Variants in PLA2G4E observed in about 807,000 individuals in gnomAD.
The protein encoded by PLA2G4E is phospholipase A2 group IVE.
A neutral mutation model predicts 109.1 loss-of-function variants in PLA2G4E; 84 were observed. The ratio of observed to expected loss-of-function variants is 0.77; its 90% CI spans 0.65 to 0.92. The LOEUF is 0.92. PLA2G4E is among the 40% of genes least tolerant of loss of function. The pLI, the probability that PLA2G4E is intolerant of heterozygous loss-of-function variation, is 0.00. For missense variants in PLA2G4E, 1,057 were observed against 1,076.6 expected (o/e 0.98, Z 0.25); for synonymous variants, 469 against 436.1 (o/e 1.08, Z -0.94).
At chr15:42,017,546 T>C (rs8042526) in intron 1 of PLA2G4E, among the ~76,000 whole-genome samples, 25,652 of 152,182 alleles carry the variant, frequency 0.17, 2,385 homozygotes, top group Middle Eastern at 0.22. Flanking sequence ...GCTAAGTCCT[T>C]TGACACAGGG....
intron 15 of PLA2G4E, 93 bp downstream of exon 15, chr15:41,989,322 G>A (rs181599566): frequency 2.6e-6 from 4 of 1,522,026 alleles, no homozygotes; most frequent in Non-Finnish European, 2.7e-6. Flanking sequence ...ATGCTGGCAA[G>A]TGCCCCGAGT....
chr15:42,042,209 G>C (rs576929722), intron 1 of PLA2G4E, among the ~76,000 whole-genome samples: 2 of 152,172 alleles, frequency 1.3e-5, no homozygotes, highest in African/African-American at 4.8e-5. Flanking sequence ...ACTATTCACT[G>C]ATATGTAGAA....
intron 4 of PLA2G4E, 101 bp downstream of exon 4, chr15:42,005,889 G>A: frequency 2.1e-6 from 3 of 1,396,444 alleles, no homozygotes; most frequent in Non-Finnish European, 3.0e-6. Context: ...CAACTTGACT[G>A]TGTACACAGA....
chr15:41,988,095 C>G (rs563093387), exon 16 of PLA2G4E: 3 of 1,608,160 alleles, frequency 1.9e-6, no homozygotes, highest in Non-Finnish European at 2.5e-6. Flanking sequence ...AAAACTCCTC[C>G]GAGGTGTGTG....
chr15:41,987,139 G>A (rs1397721740), intron 17 of PLA2G4E, 33 bp downstream of exon 17: 1 of 1,577,684 alleles, frequency 6.3e-7, no homozygotes, highest in Non-Finnish European at 8.7e-7. Context: ...TCCATATGGA[G>A]GCAGGCCTCA....
exon 1 of PLA2G4E, chr15:42,050,691 C>T (rs1339555958): frequency 6.5e-6 from 10 of 1,550,128 alleles, no homozygotes; most frequent in Admixed American, 3.9e-5. Flanking sequence ...CCTTCCGAGG[C>T]CTGGAGACTC....
At chr15:42,001,594 C>G (rs1040599272) in intron 6 of PLA2G4E, among the ~76,000 whole-genome samples, 2 of 152,204 alleles carry the variant, frequency 1.3e-5, no homozygotes, top group African/African-American at 4.8e-5. Flanking sequence ...TACTCCTTTG[C>G]CACACATTCC....
chr15:42,019,074 A>G (rs759809502), intron 1 of PLA2G4E, among the ~76,000 whole-genome samples: 6 of 152,192 alleles, frequency 3.9e-5, no homozygotes, highest in Non-Finnish European at 7.3e-5. Context: ...GAGAGATTAC[A>G]TCTCAAACAG....
chr15:42,010,239 G>C (rs9920824), intron 2 of PLA2G4E: 171,222 of 464,586 alleles, frequency 0.37, 33,908 homozygotes, highest in South Asian at 0.56. Flanking sequence ...TAATGCACTT[G>C]GCGCGCATGA....
intron 1 of PLA2G4E, among the ~76,000 whole-genome samples, chr15:42,042,957 C>A (rs1227604058): frequency 1.3e-5 from 2 of 152,168 alleles, no homozygotes; most frequent in Admixed American, 1.3e-4. Flanking sequence ...TTGTGCCTGA[C>A]CTGATGGTGG....
intron 13 of PLA2G4E, among the ~76,000 whole-genome samples, chr15:41,991,303 G>A (rs2068244489): frequency 6.6e-6 from 1 of 152,172 alleles, no homozygotes; most frequent in Non-Finnish European, 1.5e-5. Flanking sequence ...GGAAGACTCG[G>A]TGCTTCCTCC....
Position 42,026,913 on chromosome 15 carries a change from C to A in PLA2G4E, c.184-13156G>T, listed in dbSNP as rs181495034. ...GCTTGAACCCAGGAGACAGAGATTG[C>A]AGTGAGCTGAGATCACACCACTGCC... On this transcript the variant is annotated intron_variant, in intron 1 of 19. Transcript: ENST00000399518. Among the ~76,000 whole-genome samples, 322 of 150,830 alleles carry A rather than the reference C, an allele frequency of 2.1e-3. 2 individuals carry two copies. The highest frequency in any genetic ancestry group is 7.7e-3 in the African/African-American group (314 of 40,982).
intron 1 of PLA2G4E, among the ~76,000 whole-genome samples, chr15:42,018,994 A>G (rs1312037373): frequency 1.3e-5 from 2 of 152,144 alleles, no homozygotes; most frequent in Non-Finnish European, 2.9e-5. Flanking sequence ...ATATGCTCTT[A>G]TCTAACCTTC....
chr15:42,007,845 C>T (rs78395533), exon 3 of PLA2G4E: 1 of 1,606,164 alleles, frequency 6.2e-7, no homozygotes, highest in Non-Finnish European at 8.5e-7. Flanking sequence ...CAGAGGCTCA[C>T]AAAACAGTCT....
intron 13 of PLA2G4E, among the ~76,000 whole-genome samples, chr15:41,992,164 A>T (rs1415393160): frequency 6.6e-6 from 1 of 152,114 alleles, no homozygotes; most frequent in Admixed American, 6.5e-5. Flanking sequence ...AGAGAGTGTT[A>T]TTGACTGAGG....
chr15:41,983,368 C>T (rs1322381973), exon 20 of PLA2G4E: 5 of 213,868 alleles, frequency 2.3e-5, no homozygotes, highest in South Asian at 2.4e-4. Context: ...TCCCTAGGCC[C>T]GCCACACGAG....
At position 42,003,934 on chromosome 15, in the gene PLA2G4E, C is replaced by T. The variant is rs182770069; in HGVS notation, c.566+1004G>A. ...CCTTCCTTTCCTTCCTACCTTCCCT[C>T]TTTGTTCCCTCCTTCCAGACCTCCA... On this transcript the variant is annotated intron_variant, in intron 5 of 19. Transcript: ENST00000399518. Among the ~76,000 whole-genome samples the T allele has an allele frequency of 9.9e-5, 15 of 152,252 alleles. No homozygotes were observed. In the East Asian group the frequency reaches 2.9e-3, roughly 29 times the overall value.
chr15:41,985,724 T>C, intron 18 of PLA2G4E, 115 bp downstream of exon 18: 1 of 1,310,408 alleles, frequency 7.6e-7, no homozygotes, highest in Non-Finnish European at 1.1e-6. Context: ...TGATGCTCTC[T>C]GGGGGCTGTC....
Position 42,007,875 on chromosome 15 carries a change from A to G in PLA2G4E, c.257-10T>C. On this transcript the variant is annotated splice_polypyrimidine_tract_variant and intron_variant, in intron 2 of 19. Transcript: ENST00000399518. ...CAGTCTGTCTGGCTCACTGTCCAAGAAAGATAAGTGGAACCAATCCAGGTT... is the reference window on the plus strand; with the variant it reads ...CAGTCTGTCTGGCTCACTGTCCAAGGAAGATAAGTGGAACCAATCCAGGTT... 2 of 1,595,800 alleles carry G rather than the reference A, an allele frequency of 1.3e-6. No individual in the cohort carries two copies. Among genetic ancestry groups the G allele is most frequent in the Non-Finnish European group, 1.7e-6 (2 of 1,170,022 alleles).
Sources: allele counts gnomAD v4.1 joint callset (sites outside exome capture counted in the v4.1 genomes callset), GRCh38; gene constraint gnomAD v4.1.1; transcripts MANE v1.5; gene names NCBI Gene and HGNC (gene_info 2026-07-23, HGNC 2026-07-21).